PCBP3: variants seen among roughly 807,000 people sequenced by gnomAD.
PCBP3 encodes the protein poly(rC)-binding protein 3.
In PCBP3, 25 loss-of-function variants were observed where a neutral mutation model predicts 52.7. The ratio of observed to expected loss-of-function variants is 0.47; its 90% confidence interval spans 0.35 to 0.66. The LOEUF is 0.66. PCBP3 is among the 30% of genes least tolerant of loss of function. The pLI is 0.01. For missense variants in PCBP3, 391 were observed against 490.3 expected (o/e 0.80, Z 1.91); for synonymous variants, 162 against 183.0 (o/e 0.89, Z 0.93).
intron 12 of PCBP3, chr21:45,916,515 T>C (rs910071968): frequency 6.6e-6 from 1 of 152,244 alleles, no homozygotes; most frequent in African/African-American, 2.4e-5. Context: ...GATTGGGTTG[T>C]TTATGATGAA....
chr21:45,854,864 C>A (rs1456040695), intron 5 of PCBP3, among the ~76,000 whole-genome samples: 2 of 152,146 alleles, frequency 1.3e-5, no homozygotes, highest in Non-Finnish European at 1.5e-5. Context: ...GAGCCTCTGC[C>A]CCGCGGAATG....
intron 2 of PCBP3, among the ~76,000 whole-genome samples, chr21:45,699,775 T>C (rs926204020): frequency 6.6e-6 from 1 of 152,156 alleles, no homozygotes; most frequent in African/African-American, 2.4e-5. Flanking sequence ...TTATTCACTG[T>C]CACAAGAATA....
chr21:45,713,612 G>A (rs985236981), intron 2 of PCBP3, among the ~76,000 whole-genome samples: 1 of 152,152 alleles, frequency 6.6e-6, no homozygotes, highest in African/African-American at 2.4e-5. Context: ...AGACAGTGTG[G>A]GCTCCCTGAA....
chr21:45,807,474 C>G (rs1212885841), intron 4 of PCBP3, among the ~76,000 whole-genome samples: 3 of 152,116 alleles, frequency 2.0e-5, no homozygotes, highest in Non-Finnish European at 4.4e-5. Flanking sequence ...ATACAACTTA[C>G]AGGGGAAGTG....
intron 2 of PCBP3, among the ~76,000 whole-genome samples, chr21:45,710,805 G>A (rs1034803838): frequency 5.9e-5 from 9 of 152,136 alleles, no homozygotes; most frequent in Non-Finnish European, 1.2e-4. Flanking sequence ...AGATTTATCT[G>A]CTCTCACACT....
intron 2 of PCBP3, among the ~76,000 whole-genome samples, chr21:45,672,200 C>T (rs1293108634): frequency 6.6e-6 from 1 of 152,112 alleles, no homozygotes; most frequent in African/African-American, 2.4e-5. Context: ...TGATGCCCTG[C>T]ACCACCTCAG....
intron 5 of PCBP3, among the ~76,000 whole-genome samples, chr21:45,890,178 C>T (rs2148908953): frequency 6.6e-6 from 1 of 152,348 alleles, no homozygotes; most frequent in South Asian, 2.1e-4. Flanking sequence ...AGCATGAGAG[C>T]ATGGGGAGGG....
intron 2 of PCBP3, among the ~76,000 whole-genome samples, chr21:45,683,629 A>G (rs950628608): frequency 6.6e-6 from 1 of 152,198 alleles, no homozygotes; most frequent in Non-Finnish European, 1.5e-5. Context: ...ACAGGAATCA[A>G]TACACGTGAG....
At chr21:45,780,460 C>T (rs999729057) in intron 4 of PCBP3, among the ~76,000 whole-genome samples, 15 of 152,208 alleles carry the variant, frequency 9.9e-5, no homozygotes, top group Non-Finnish European at 2.1e-4. Context: ...CAGTCTAATG[C>T]CTACTTAGGC....
chr21:45,940,052 G>A lies in PCBP3; in HGVS notation c.932G>A (p.Arg311His), dbSNP rs2077295200. 6 of 1,614,040 alleles carry A rather than the reference G, an allele frequency of 3.7e-6. No individual in the cohort carries two copies. The highest frequency in any genetic ancestry group is 4.2e-6 in the Non-Finnish European group (5 of 1,179,916). Reference sequence around the variant, plus strand: ...TAGCTAATAGGCTGCATAATTGGACGCCAAGGGACCAAAATCAATGAAATT... The same window carrying A: ...TAGCTAATAGGCTGCATAATTGGACACCAAGGGACCAAAATCAATGAAATT... ...PNDLIGCIIG[R>H]QGTKINEIRQ... Residue 311 changes from arginine (R) to histidine (H), a missense_variant, in exon 17 of 18, where the codon CGC (arginine) becomes CAC (histidine). Transcript: ENST00000681687.
chr21:45,739,220 G>A (rs374920412), intron 3 of PCBP3, among the ~76,000 whole-genome samples: 2 of 121,860 alleles, frequency 1.6e-5, no homozygotes, highest in African/African-American at 3.2e-5. Flanking sequence ...TGTCCTCTGG[G>A]TGGCACCCCC....
At chr21:45,757,430 C>CT (rs1182185580) in intron 4 of PCBP3, among the ~76,000 whole-genome samples, 3 of 152,150 alleles carry the variant, frequency 2.0e-5, no homozygotes, top group African/African-American at 7.2e-5. Flanking sequence ...ATACTAGACA[C>CT]TTTCAGAGAT....
At position 45,917,731 on chromosome 21, in the gene PCBP3, A is replaced by G. The variant is rs772746191; in HGVS notation, c.717+102A>G. ...CTACTAACATTAATATTACACAATA[A>G]TATTAATCAACTTCTCAGCGTTCCT... On this transcript the variant is annotated intron_variant, in intron 13 of 17. Coordinates refer to ENST00000681687, the MANE Select transcript of PCBP3 (RefSeq NM_001384156.1). The surrounding 1 kb of genome is among the most constrained non-coding windows in gnomAD (Gnocchi z 5.3). The G allele has an allele frequency of 2.1e-6, 2 of 950,384 alleles. No homozygotes were observed. Among genetic ancestry groups the G allele is most frequent in the East Asian group, 4.8e-5 (2 of 41,878 alleles). The allele number at this position is 950,384 out of a possible 1,614,324, so 58.9% of individuals were successfully genotyped here.
chr21:45,667,032 C>T (rs2080842380), intron 1 of PCBP3, among the ~76,000 whole-genome samples: 1 of 140,652 alleles, frequency 7.1e-6, no homozygotes, highest in South Asian at 2.3e-4. Flanking sequence ...CTTTGTACCC[C>T]TTTATTTTCT....
At position 45,896,264 on chromosome 21, in the gene PCBP3, C is replaced by T. The variant is rs572760174; in HGVS notation, c.67C>T (p.His23Tyr). 3.6e-5 allele frequency: 56 copies of T among 1,552,220 alleles called. No individual in the cohort carries two copies. In the South Asian group the frequency reaches 6.5e-4, roughly 18 times the overall value. Reference sequence around the variant, plus strand: ...TCACAGCACCCTCAGCACCTTAAGCCACCACCCTCAGCCACAATTTGGCAG... The same window carrying T: ...TCACAGCACCCTCAGCACCTTAAGCTACCACCCTCAGCCACAATTTGGCAG... ...LPHSTLSTLS[H>Y]HPQPQFGRRM... is the part of the protein sequence containing the mutation. The change falls in exon 6 of 18, where the codon CAC becomes TAC. Residue 23 changes from histidine (H) to tyrosine (Y), a missense_variant. Transcript: ENST00000681687.
chr21:45,935,005 G>GA (rs761191516), intron 15 of PCBP3, among the ~76,000 whole-genome samples: 6 of 152,110 alleles, frequency 3.9e-5, no homozygotes, highest in African/African-American at 7.2e-5. Flanking sequence ...TGCACAAAAT[G>GA]AAAAAAACAA....
intron 17 of PCBP3, among the ~76,000 whole-genome samples, chr21:45,940,637 T>C (rs903171850): frequency 6.6e-6 from 1 of 152,120 alleles, no homozygotes; most frequent in African/African-American, 2.4e-5. Context: ...GCCGCTTCCT[T>C]CCATGGGTCC....
At chr21:45,672,501 C>T (rs1174116918) in intron 2 of PCBP3, among the ~76,000 whole-genome samples, 1 of 151,994 alleles carries the variant, frequency 6.6e-6, no homozygotes, top group African/African-American at 2.4e-5. Flanking sequence ...TTTGGCAATG[C>T]AGTTTCTCCC....
chr21:45,779,431 C>G (rs560070411), intron 4 of PCBP3, among the ~76,000 whole-genome samples: 18 of 152,314 alleles, frequency 1.2e-4, no homozygotes, highest in African/African-American at 3.8e-4. Flanking sequence ...CAGGCTCCCC[C>G]TCTTCCTTTT....
Sources: allele counts gnomAD v4.1 joint callset (sites outside exome capture counted in the v4.1 genomes callset), GRCh38; gene constraint gnomAD v4.1.1; non-coding constraint Gnocchi (gnomAD v3.1); transcripts MANE v1.5; gene names NCBI Gene and HGNC (gene_info 2026-07-23, HGNC 2026-07-21).